The following GTF2E2 variants were observed in gnomAD, a reference collection of about 807,000 sequenced individuals.
GTF2E2 encodes transcription initiation factor IIE subunit beta.
GTF2E2 carries 21 observed loss-of-function variants against 40.5 expected under a neutral mutation model. The ratio of observed to expected loss-of-function variants is 0.52; its 90% CI spans 0.37 to 0.75. The LOEUF (loss-of-function observed/expected upper bound fraction) is 0.75, where lower values mean the gene tolerates loss of function less well. GTF2E2 is among the 30% of genes least tolerant of loss of function. The pLI is 0.00. For synonymous variants in GTF2E2, 117 were observed against 121.6 expected (o/e 0.96, Z 0.25); for missense variants, 298 against 338.4 (o/e 0.88, Z 0.94).
At chr8:30,614,575 G>T in intron 4 of GTF2E2, 33 bp downstream of exon 4, 1 of 1,168,758 alleles carries the variant, frequency 8.6e-7, no homozygotes, top group Non-Finnish European at 1.3e-6. Context: ...CTAGTTACAG[G>T]AAATCTCTCT....
intron 2 of GTF2E2, among the ~76,000 whole-genome samples, chr8:30,650,115 G>A (rs901219486): frequency 6.6e-6 from 1 of 152,180 alleles, no homozygotes; most frequent in African/African-American, 2.4e-5. Flanking sequence ...ATTACCCTGA[G>A]AGGCACCAGA....
At chr8:30,641,315 G>T (rs1310142880) in intron 2 of GTF2E2, among the ~76,000 whole-genome samples, 3 of 152,132 alleles carry the variant, frequency 2.0e-5, no homozygotes, top group Non-Finnish European at 2.9e-5. Context: ...AGTGCCTTTG[G>T]AGGTGGCCTA....
At chr8:30,602,083 T>A (rs1042224930) in intron 6 of GTF2E2, among the ~76,000 whole-genome samples, 1 of 151,624 alleles carries the variant, frequency 6.6e-6, no homozygotes, top group African/African-American at 2.4e-5. Context: ...AGTGGCACAA[T>A]CTAGGCTCAC....
At chr8:30,620,259 A>AAAC (rs1585972849) in intron 3 of GTF2E2, among the ~76,000 whole-genome samples, 1 of 52,944 alleles carries the variant, frequency 1.9e-5, no homozygotes, top group Admixed American at 1.8e-4. Context: ...CACACACACA[A>AAAC]ACACACACAC....
Position 30,646,666 on chromosome 8 carries a change from C to G in GTF2E2, c.166+6767G>C, listed in dbSNP as rs181059623. On this transcript the variant is annotated intron_variant, in intron 2 of 7. Coordinates refer to ENST00000355904, the MANE Select transcript of GTF2E2 (RefSeq NM_002095.6). ...ACTAAGACTTTAACTAAATGTGGCA[C>G]ATCAACTTAATGAATTATTAAAAAG... Among the ~76,000 whole-genome samples, 200 of 152,254 alleles carry G rather than the reference C, an allele frequency of 1.3e-3. 2 individuals are homozygous for G. Among genetic ancestry groups the G allele is most frequent in the South Asian group, 0.012 (59 of 4,822 alleles).
chr8:30,588,758 C>T (rs1252634022), intron 6 of GTF2E2, among the ~76,000 whole-genome samples: 1 of 152,126 alleles, frequency 6.6e-6, no homozygotes, highest in Non-Finnish European at 1.5e-5. Flanking sequence ...ATTCGGGTAG[C>T]CTCTGGAAGC....
chr8:30,599,257 G>A (rs1437980977), intron 6 of GTF2E2, among the ~76,000 whole-genome samples: 1 of 141,894 alleles, frequency 7.0e-6, no homozygotes, highest in African/African-American at 2.8e-5. Flanking sequence ...TAACAGCATA[G>A]AGCAAAAAAA....
At chr8:30,638,203 A>G (rs915137130) in intron 2 of GTF2E2, among the ~76,000 whole-genome samples, 16 of 152,366 alleles carry the variant, frequency 1.1e-4, no homozygotes, top group African/African-American at 3.1e-4. Flanking sequence ...AGAAAAATTT[A>G]TAAGATTTTA....
chr8:30,627,635 C>A (rs1488931109), intron 3 of GTF2E2, among the ~76,000 whole-genome samples: 1 of 151,966 alleles, frequency 6.6e-6, no homozygotes, highest in South Asian at 2.1e-4. Context: ...TTAAGACCAG[C>A]CTGGCAACAC....
At chr8:30,655,176 G>A (rs2128731718) in intron 1 of GTF2E2, among the ~76,000 whole-genome samples, 1 of 148,382 alleles carries the variant, frequency 6.7e-6, no homozygotes, top group South Asian at 2.2e-4. Context: ...CAGCCTGGGG[G>A]ATACAGCAAA....
In GTF2E2 at chr8:30,612,630, G is replaced by A. The variant is rs1000283730; in HGVS notation, c.367-149C>T. ...CAACCTCCGCCTCCTGGGTTCAAGC[G>A]ATTCTCCTGCCTCAGCCTCCCTCTC... On this transcript the variant is annotated intron_variant, in intron 4 of 7. Transcript: ENST00000355904. 7.0e-5 allele frequency: 30 copies of A among 426,144 alleles called. No homozygotes were observed. The East Asian group carries it at 1.0e-3, about 14-fold the overall frequency. The allele number at this position is 426,144 out of a possible 1,614,324, so 26.4% of individuals were successfully genotyped here.
intron 3 of GTF2E2, among the ~76,000 whole-genome samples, chr8:30,620,873 G>A (rs1240079924): frequency 6.6e-6 from 1 of 151,598 alleles, no homozygotes; most frequent in Non-Finnish European, 1.5e-5. Context: ...AGGTTGCAAT[G>A]AGCCAAGACT....
chr8:30,587,430 T>A (rs1231534734), intron 6 of GTF2E2, among the ~76,000 whole-genome samples: 1 of 149,790 alleles, frequency 6.7e-6, no homozygotes, highest in Non-Finnish European at 1.5e-5. Context: ...GAAAAAAAAA[T>A]TATATATATT....
intron 6 of GTF2E2, among the ~76,000 whole-genome samples, chr8:30,597,699 T>C (rs181776082): frequency 4.6e-5 from 7 of 152,330 alleles, no homozygotes; most frequent in Non-Finnish European, 2.9e-5. Context: ...CTTCTGGGGT[T>C]TGTTGTTGCT....
intron 2 of GTF2E2, among the ~76,000 whole-genome samples, chr8:30,648,684 T>A (rs549015483): frequency 6.6e-6 from 1 of 152,234 alleles, no homozygotes; most frequent in African/African-American, 2.4e-5. Context: ...GAGTTAGTTT[T>A]CCTGCTAGCA....
In GTF2E2 at chr8:30,614,708, T is replaced by A. The variant is rs892994715; in HGVS notation, c.266A>T (p.His89Leu). 3.8e-6 allele frequency: 6 copies of A among 1,587,794 alleles called. No homozygotes were observed. Among genetic ancestry groups the A allele is most frequent in the Non-Finnish European group, 5.2e-6 (6 of 1,157,706 alleles). ...AKIVNYMKTR[H>L]QRGDTHPLTL... ...TAGAGGATGCGTATCTCCTCGCTGA[T>A]GCCGTGTCTATCAAGTGAAGAAATT... Residue 89 changes from histidine (H) to leucine (L), a missense_variant, in exon 4 of 8, where the codon CAT becomes CTT. Coordinates refer to ENST00000355904, the MANE Select transcript of GTF2E2 (RefSeq NM_002095.6).
At chr8:30,624,924 T>G (rs1367134342) in intron 3 of GTF2E2, among the ~76,000 whole-genome samples, 4 of 151,828 alleles carry the variant, frequency 2.6e-5, no homozygotes, top group Non-Finnish European at 4.4e-5. Flanking sequence ...ATGATGGGGT[T>G]TTCTAGATAT....
chr8:30,639,920 G>A (rs1801754349), intron 2 of GTF2E2, among the ~76,000 whole-genome samples: 3 of 151,542 alleles, frequency 2.0e-5, no homozygotes, highest in African/African-American at 7.3e-5. Context: ...GAAACCATTT[G>A]TGCTTGCTAC....
At chr8:30,594,783 G>T (rs1278955018) in intron 6 of GTF2E2, among the ~76,000 whole-genome samples, 1 of 150,152 alleles carries the variant, frequency 6.7e-6, no homozygotes, top group African/African-American at 2.5e-5. Context: ...CTTGAACCCA[G>T]TAGGTGGAGG....
Sources: gnomAD v4.1 joint callset for allele counts (sites outside exome capture counted in the v4.1 genomes callset) on GRCh38, gnomAD v4.1.1 for gene constraint, MANE v1.5 for transcripts, NCBI Gene and HGNC (gene_info 2026-07-23, HGNC 2026-07-21) for gene names.